NRG3: variants seen among roughly 807,000 people sequenced by gnomAD.
NRG3 encodes the protein neuregulin 3.
NRG3 carries 31 observed loss-of-function variants against 66.9 expected under a neutral mutation model. That is an observed-to-expected ratio of 0.46 (90% CI 0.35 to 0.63). The LOEUF (loss-of-function observed/expected upper bound fraction) is 0.63. Among genes scored for constraint, NRG3 ranks in the 20% least tolerant of loss-of-function variants. The probability of loss-of-function intolerance (pLI) is 0.00; values close to 1 mark genes in which losing one functional copy is unlikely to be tolerated. For missense variants in NRG3, 910 were observed against 878.9 expected, an observed-to-expected ratio of 1.04 and a Z score of -0.45; for synonymous variants, 393 against 359.4, an observed-to-expected ratio of 1.09 and a Z score of -1.06.
At chr10:82,750,206 T>A (rs1219546601) in intron 3 of NRG3, among the ~76,000 whole-genome samples, 2 of 152,190 alleles carry the variant, frequency 1.3e-5, no homozygotes, top group Admixed American at 6.5e-5. Context: ...CACAGTGCTG[T>A]ACCAAGTAAC....
In NRG3 at chr10:82,543,677, A is replaced by G. The variant is rs559594824; in HGVS notation, c.953+184809A>G. ...CTATATTACCTTATTTACATTTATA[A>G]TAGTTCCAAGAGGTAAGTTTTTGTA... On this transcript the variant is annotated intron_variant, in intron 2 of 8. Transcript: ENST00000372141. Among the ~76,000 whole-genome samples, 147 of 152,322 alleles carry G rather than the reference A, an allele frequency of 9.7e-4. 1 individual carries two copies. Among genetic ancestry groups the G allele is most frequent in the African/African-American group, 3.2e-3 (134 of 41,568 alleles).
intron 2 of NRG3, among the ~76,000 whole-genome samples, chr10:82,719,202 G>GGT (rs1397115549): frequency 6.6e-6 from 1 of 152,138 alleles, no homozygotes; most frequent in East Asian, 1.9e-4. Flanking sequence ...TTGTGGTGGA[G>GGT]GTGTGTGTAT....
intron 3 of NRG3, among the ~76,000 whole-genome samples, chr10:82,761,922 C>CTCTTTCTTTCTTTCTTTCTT (rs140350240): frequency 9.4e-4 from 117 of 123,852 alleles, no homozygotes; most frequent in East Asian, 2.2e-3. Context: ...TTCTTTCTTT[C>CTCTTTCTTTCTTTCTTTCTT]TCTTTCTTTC....
chr10:82,878,437 AC>A (rs1842024225), intron 4 of NRG3, among the ~76,000 whole-genome samples: 1 of 152,200 alleles, frequency 6.6e-6, no homozygotes, highest in Non-Finnish European at 1.5e-5. Flanking sequence ...AATGGAACAA[AC>A]TTGGGATTTT....
At chr10:82,387,204 C>T (rs1030643260) in intron 2 of NRG3, among the ~76,000 whole-genome samples, 8 of 152,106 alleles carry the variant, frequency 5.3e-5, no homozygotes, top group African/African-American at 1.7e-4. Flanking sequence ...AAAATGGAAA[C>T]AGAACTGCTT....
intron 1 of NRG3, among the ~76,000 whole-genome samples, chr10:82,078,011 C>T (rs1177527450): frequency 6.6e-6 from 1 of 151,954 alleles, no homozygotes; most frequent in Non-Finnish European, 1.5e-5. Context: ...CCAGTTGGGC[C>T]CTTGGGACAA....
intron 1 of NRG3, among the ~76,000 whole-genome samples, chr10:82,115,625 G>T (rs2067662720): frequency 6.6e-6 from 1 of 152,098 alleles, no homozygotes; most frequent in African/African-American, 2.4e-5. Flanking sequence ...AATTGAGACA[G>T]GCATACACTC....
chr10:82,008,324 G>T (rs998252906), intron 1 of NRG3, among the ~76,000 whole-genome samples: 1 of 152,128 alleles, frequency 6.6e-6, no homozygotes, highest in Non-Finnish European at 1.5e-5. Flanking sequence ...AGGCAAAGAT[G>T]GGACCTTGAG....
intron 1 of NRG3, chr10:82,166,868 G>A (rs1158825111): frequency 3.2e-6 from 2 of 622,298 alleles, no homozygotes; most frequent in East Asian, 2.9e-5. Flanking sequence ...TTACTGAAAG[G>A]TATTTTTTTC....
At position 82,829,057 on chromosome 10, in the gene NRG3, G is replaced by T. The variant is rs542061615; in HGVS notation, c.1028-36354G>T. Among the ~76,000 whole-genome samples the T allele has an allele frequency of 1.3e-3, 192 of 152,252 alleles. 3 individuals carry two copies. In the South Asian group the frequency reaches 0.038, roughly 30 times the overall value. On this transcript the variant is annotated intron_variant, in intron 3 of 8. Coordinates refer to ENST00000372141, the MANE Select transcript of NRG3 (RefSeq NM_001010848.4). ...GTTTGTTTGTTTGACAGCCTGTGCT[G>T]CAGTTCTAGGTTCTAAGCATATACA...
intron 2 of NRG3, among the ~76,000 whole-genome samples, chr10:82,440,132 C>T (rs2090356693): frequency 6.6e-6 from 1 of 152,042 alleles, no homozygotes; most frequent in South Asian, 2.1e-4. Flanking sequence ...GATCACTGGA[C>T]TCTACAGGTT....
chr10:81,963,531 A>G (rs1444356670), intron 1 of NRG3, among the ~76,000 whole-genome samples: 1 of 152,224 alleles, frequency 6.6e-6, no homozygotes, highest in East Asian at 1.9e-4. Context: ...ACACCTAAAC[A>G]TACATACATG....
chr10:82,154,875 T>G (rs1309143905), intron 1 of NRG3, among the ~76,000 whole-genome samples: 1 of 151,872 alleles, frequency 6.6e-6, no homozygotes, highest in Non-Finnish European at 1.5e-5. Flanking sequence ...TTATAGGAAA[T>G]GTACTGATTT....
rs1433608558 is a variant in NRG3, at chr10:82,487,730, GACAA to G, written c.953+128866_953+128869del. 1.3e-4 allele frequency among the ~76,000 whole-genome samples: 20 copies of G among 152,164 alleles called. 1 individual carries two copies. Among genetic ancestry groups the G allele is most frequent in the Admixed American group, 1.2e-3 (18 of 15,274 alleles). ...TTTACTTGTGTTAGTTTTAAGAAAA[GACAA>G]ACAGATCAGATATAGAAACACAGCA... On this transcript the variant is annotated intron_variant, in intron 2 of 8. Coordinates refer to ENST00000372141, the MANE Select transcript of NRG3 (RefSeq NM_001010848.4).
intron 2 of NRG3, among the ~76,000 whole-genome samples, chr10:82,429,809 CTTTA>C (rs1330452207): frequency 2.0e-5 from 3 of 152,052 alleles, no homozygotes; most frequent in East Asian, 1.9e-4. Flanking sequence ...GTTCATTTTT[CTTTA>C]TTTGTTTTTC....
chr10:82,695,481 T>A (rs1010031107), intron 2 of NRG3, among the ~76,000 whole-genome samples: 1 of 152,116 alleles, frequency 6.6e-6, no homozygotes, highest in African/African-American at 2.4e-5. Flanking sequence ...AGAGAAAAAC[T>A]GGATACAGCT....
chr10:82,412,194 G>A (rs2088146661), intron 2 of NRG3, among the ~76,000 whole-genome samples: 1 of 152,118 alleles, frequency 6.6e-6, no homozygotes, highest in Admixed American at 6.6e-5. Flanking sequence ...GGCAAATAAT[G>A]ACAGGGAATT....
Position 82,236,798 on chromosome 10 carries a change from C to A in NRG3, c.824-121941C>A, listed in dbSNP as rs1589425742. On this transcript the variant is annotated intron_variant, in intron 1 of 8. Transcript: ENST00000372141. ...TGGTGCGATCTCCGCCTACTGCAAG[C>A]TCCGCCTCCCGGGTTCATGCCATTC... Among the ~76,000 whole-genome samples the A allele has an allele frequency of 2.1e-5, 3 of 145,332 alleles. No individual in the cohort carries two copies. In the East Asian group the frequency reaches 6.2e-4, roughly 30 times the overall value.
At chr10:81,914,386 T>C (rs773739138) in intron 1 of NRG3, among the ~76,000 whole-genome samples, 2 of 152,068 alleles carry the variant, frequency 1.3e-5, no homozygotes, top group Non-Finnish European at 2.9e-5. Context: ...CTGAAGTAGA[T>C]TGCAGTGGGG....
Sources: gnomAD v4.1 joint callset for allele counts (sites outside exome capture counted in the v4.1 genomes callset) on GRCh38, gnomAD v4.1.1 for gene constraint, MANE v1.5 for transcripts, NCBI Gene and HGNC (gene_info 2026-07-23, HGNC 2026-07-21) for gene names.